The following LIPC variants were observed in gnomAD, a reference collection of about 807,000 sequenced individuals.
LIPC encodes hepatic triacylglycerol lipase.
LIPC carries 44 observed loss-of-function variants against 50.7 expected under a neutral mutation model. The ratio of observed to expected loss-of-function variants is 0.87; its 90% CI spans 0.68 to 1.11. The LOEUF (loss-of-function observed/expected upper bound fraction) is 1.11. Among genes scored for constraint, LIPC ranks in the 50% most tolerant of loss-of-function variants. The pLI is 0.00. For missense variants in LIPC, 697 were observed against 648.2 expected (o/e 1.08, Z -0.82); for synonymous variants, 271 against 256.4 (o/e 1.06, Z -0.54).
At chr15:58,537,580 G>A (rs1434418668) in intron 1 of LIPC, among the ~76,000 whole-genome samples, 1 of 152,082 alleles carries the variant, frequency 6.6e-6, no homozygotes, top group Admixed American at 6.5e-5. Context: ...CTTGTCTCCT[G>A]CCTCTTTATG....
intron 6 of LIPC, among the ~76,000 whole-genome samples, chr15:58,557,874 C>A (rs934420019): frequency 8.5e-5 from 13 of 152,128 alleles, no homozygotes; most frequent in Middle Eastern, 3.2e-3. Flanking sequence ...CCCCCTCCCC[C>A]ACTTTGGAAA....
intron 1 of LIPC, among the ~76,000 whole-genome samples, chr15:58,510,001 A>G (rs1433690754): frequency 6.6e-6 from 1 of 152,180 alleles, no homozygotes; most frequent in Non-Finnish European, 1.5e-5. Context: ...CTATTTATAT[A>G]CTATTTCATT....
In LIPC at chr15:58,563,460, G is replaced by T; in HGVS notation, c.1170-45G>T. On this transcript the variant is annotated intron_variant, in intron 7 of 8. Coordinates refer to ENST00000299022, the MANE Select transcript of LIPC (RefSeq NM_000236.3). ...GAATGTGTGTGACCGTCACTTTGCT[G>T]TTACGACTAAACTGATTGTGTCTGA... is the stretch of plus-strand genomic sequence containing the variant. 3.3e-6 allele frequency: 5 copies of T among 1,509,176 alleles called. No homozygotes were observed. The East Asian group carries it at 1.1e-4, about 34-fold the overall frequency. 93.5% of individuals were successfully genotyped at this position (1,509,176 alleles called of 1,614,324 possible). A position where few individuals can be genotyped will look rare whatever the true frequency, so the allele number is the denominator to read the frequency against.
intron 1 of LIPC, among the ~76,000 whole-genome samples, chr15:58,489,680 G>A (rs116418637): frequency 0.013 from 1,912 of 152,272 alleles, 50 homozygotes; most frequent in African/African-American, 0.044. Context: ...CACAAATCTT[G>A]TGACCTCTGG....
chr15:58,487,680 G>A (rs1424058912), intron 1 of LIPC, among the ~76,000 whole-genome samples: 5 of 152,204 alleles, frequency 3.3e-5, no homozygotes, highest in African/African-American at 1.2e-4. Flanking sequence ...GTAGAGTGGG[G>A]ACTGAAATTA....
At chr15:58,482,149 C>T (rs1005256814) in intron 1 of LIPC, among the ~76,000 whole-genome samples, 1 of 152,150 alleles carries the variant, frequency 6.6e-6, no homozygotes, top group Admixed American at 6.5e-5. Flanking sequence ...TGCACAAAAT[C>T]ATGAAAGGTA....
intron 1 of LIPC, among the ~76,000 whole-genome samples, chr15:58,489,811 T>G (rs577524600): frequency 6.6e-6 from 1 of 152,282 alleles, no homozygotes; most frequent in African/African-American, 2.4e-5. Context: ...GTGGTTGAGT[T>G]TGGGGAGTGG....
chr15:58,468,358 TG>T (rs1331084496), intron 1 of LIPC, among the ~76,000 whole-genome samples: 5 of 152,182 alleles, frequency 3.3e-5, no homozygotes. Flanking sequence ...CAGCATCACC[TG>T]GGAACTTGTT....
At chr15:58,494,655 G>A in intron 1 of LIPC, 6 of 423,314 alleles carry the variant, frequency 1.4e-5, no homozygotes, top group South Asian at 8.7e-5. Context: ...ATCAATCAGT[G>A]CCAATGTATA....
intron 8 of LIPC, chr15:58,566,541 C>T (rs1455105321): frequency 1.3e-6 from 1 of 751,002 alleles, no homozygotes. Flanking sequence ...ACATTAAACT[C>T]TACACTCGTA....
chr15:58,462,726 G>A (rs1316711043), intron 1 of LIPC, among the ~76,000 whole-genome samples: 2 of 152,080 alleles, frequency 1.3e-5, no homozygotes, highest in South Asian at 4.1e-4. Context: ...TGTGTGGGAG[G>A]AGCACAGCCC....
At chr15:58,558,443 G>C (rs1894034285) in intron 6 of LIPC, among the ~76,000 whole-genome samples, 1 of 152,156 alleles carries the variant, frequency 6.6e-6, no homozygotes, top group South Asian at 2.1e-4. Context: ...TTCCAGGCTT[G>C]GGATTTGAGC....
At chr15:58,442,957 G>T (rs553473837) in intron 1 of LIPC, among the ~76,000 whole-genome samples, 1 of 152,326 alleles carries the variant, frequency 6.6e-6, no homozygotes, top group Admixed American at 6.5e-5. Context: ...CTGTTGCCCA[G>T]GCTGGAGTGC....
chr15:58,483,332 T>TG (rs1401272170), intron 1 of LIPC, among the ~76,000 whole-genome samples: 1 of 152,072 alleles, frequency 6.6e-6, no homozygotes, highest in Non-Finnish European at 1.5e-5. Flanking sequence ...ATGTGGCAGG[T>TG]GGGGAGAGCT....
intron 6 of LIPC, among the ~76,000 whole-genome samples, chr15:58,559,695 C>A (rs1894085918): frequency 2.2e-5 from 2 of 89,160 alleles, no homozygotes; most frequent in African/African-American, 8.3e-5. Flanking sequence ...AGAGAGAGAC[C>A]CTGTCTCAAA....
intron 7 of LIPC, among the ~76,000 whole-genome samples, chr15:58,562,205 G>C (rs1312823177): frequency 2.0e-5 from 3 of 152,118 alleles, no homozygotes; most frequent in African/African-American, 4.8e-5. Context: ...ATCCACCCAA[G>C]CCCGAACCCT....
intron 1 of LIPC, among the ~76,000 whole-genome samples, chr15:58,480,498 T>C (rs1173217230): frequency 6.6e-6 from 1 of 152,156 alleles, no homozygotes; most frequent in African/African-American, 2.4e-5. Flanking sequence ...TTTCACTATG[T>C]TGGCCAGGTT....
At chr15:58,517,609 G>A (rs1411227136) in intron 1 of LIPC, among the ~76,000 whole-genome samples, 1 of 152,194 alleles carries the variant, frequency 6.6e-6, no homozygotes, top group Non-Finnish European at 1.5e-5. Flanking sequence ...AACACCCTTT[G>A]TATATGAGCT....
At chr15:58,484,059 A>C (rs1451865594) in intron 1 of LIPC, among the ~76,000 whole-genome samples, 2 of 152,170 alleles carry the variant, frequency 1.3e-5, no homozygotes, top group Non-Finnish European at 2.9e-5. Flanking sequence ...CTTTCCAAAA[A>C]GACAGTTCAT....
Sources: allele counts gnomAD v4.1 joint callset (sites outside exome capture counted in the v4.1 genomes callset), GRCh38; gene constraint gnomAD v4.1.1; transcripts MANE v1.5; gene names NCBI Gene and HGNC (gene_info 2026-07-23, HGNC 2026-07-21).